KANSL1: variants seen among roughly 807,000 people sequenced by gnomAD.
KANSL1 encodes KAT8 regulatory NSL complex subunit 1, also known as MLL1/MLL complex subunit KANSL1.
KANSL1 carries 22 observed loss-of-function variants against 103.6 expected under a neutral mutation model. That is an observed-to-expected ratio of 0.21 (90% CI 0.15 to 0.30). The LOEUF (loss-of-function observed/expected upper bound fraction) is 0.30, where lower values mean the gene tolerates loss of function less well. Among genes scored for constraint, KANSL1 ranks in the 10% least tolerant of loss-of-function variants. KANSL1 has a pLI of 1.00. For synonymous variants in KANSL1, 600 were observed against 527.6 expected (o/e 1.14, Z -1.88); for missense variants, 1,337 against 1,399.8 (o/e 0.96, Z 0.72).
At chr17:46,031,907 T>C (rs2077019353) in intron 14 of KANSL1, 140 bp downstream of exon 14, 3 of 1,241,616 alleles carry the variant, frequency 2.4e-6, no homozygotes, top group Non-Finnish European at 3.4e-6. Flanking sequence ...CCACTGAACG[T>C]TGAGGAGATC....
intron 2 of KANSL1, among the ~76,000 whole-genome samples, chr17:46,133,246 C>G (rs1270297062): frequency 6.6e-6 from 1 of 152,182 alleles, no homozygotes; most frequent in African/African-American, 2.4e-5. Flanking sequence ...AAACCAGGAC[C>G]ACTGAGTGTT....
intron 2 of KANSL1, among the ~76,000 whole-genome samples, chr17:46,110,383 C>T (rs562287893): frequency 3.3e-5 from 5 of 152,296 alleles, no homozygotes; most frequent in East Asian, 3.9e-4. Context: ...TATTAATTCA[C>T]GAAATCCTCA....
At chr17:46,072,665 G>T (rs570830146) in intron 4 of KANSL1, among the ~76,000 whole-genome samples, 2 of 152,240 alleles carry the variant, frequency 1.3e-5, no homozygotes, top group East Asian at 3.9e-4. Flanking sequence ...TAAACAAGAA[G>T]TGGAATGTTC....
intron 6 of KANSL1, among the ~76,000 whole-genome samples, chr17:46,057,622 C>G (rs1310738682): frequency 6.6e-6 from 1 of 151,960 alleles, no homozygotes; most frequent in Admixed American, 6.6e-5. Flanking sequence ...TCTCACGAAA[C>G]TAAAACTGGA....
intron 2 of KANSL1, among the ~76,000 whole-genome samples, chr17:46,160,663 A>G (rs1425597251): frequency 6.6e-6 from 1 of 152,218 alleles, no homozygotes; most frequent in Non-Finnish European, 1.5e-5. Context: ...AGGCTTAAGG[A>G]TGTATCTGGT....
intron 4 of KANSL1, among the ~76,000 whole-genome samples, chr17:46,075,446 T>TGAACCCAAGTGAGGCACCTGGGTTCAA (rs377414315): frequency 0.14 from 21,694 of 152,006 alleles, 2,101 homozygotes; most frequent in Non-Finnish European, 0.22. Flanking sequence ...AAGTGATTCT[T>TGAACCCAAGTGAGGCACCTGGGTTCAA]GTGCCTCAGC....
chr17:46,162,423 T>C (rs1016555590), intron 2 of KANSL1, among the ~76,000 whole-genome samples: 1 of 152,202 alleles, frequency 6.6e-6, no homozygotes, highest in African/African-American at 2.4e-5. Context: ...CAAAGGACAC[T>C]CCAGGTATAC....
At chr17:46,203,817 G>A (rs1243222993) in intron 1 of KANSL1, among the ~76,000 whole-genome samples, 1 of 152,214 alleles carries the variant, frequency 6.6e-6, no homozygotes, top group Non-Finnish European at 1.5e-5. Context: ...AACCAAGCAG[G>A]CAGTAAGGAT....
chr17:46,125,918 T>C (rs1288607260), intron 2 of KANSL1, among the ~76,000 whole-genome samples: 1 of 152,222 alleles, frequency 6.6e-6, no homozygotes, highest in Non-Finnish European at 1.5e-5. Flanking sequence ...GTACTTGACA[T>C]ATATCATTTT....
chr17:46,133,762 T>C (rs2043985690), intron 2 of KANSL1, among the ~76,000 whole-genome samples: 1 of 152,010 alleles, frequency 6.6e-6, no homozygotes, highest in Admixed American at 6.5e-5. Flanking sequence ...CATGAAGGAG[T>C]TTTTTAACCA....
intron 1 of KANSL1, among the ~76,000 whole-genome samples, chr17:46,221,023 A>C: frequency 4.8e-5 from 7 of 147,210 alleles, no homozygotes; most frequent in African/African-American, 7.6e-5. Flanking sequence ...GCATACATAC[A>C]CCAATGCAAA....
intron 7 of KANSL1, among the ~76,000 whole-genome samples, chr17:46,048,436 G>A (rs1198773536): frequency 6.6e-6 from 1 of 151,998 alleles, no homozygotes; most frequent in Non-Finnish European, 1.5e-5. Flanking sequence ...CAGGCGTGGT[G>A]GCATACGACT....
At chr17:46,136,092 C>T (rs1209958295) in intron 2 of KANSL1, among the ~76,000 whole-genome samples, 1 of 152,114 alleles carries the variant, frequency 6.6e-6, no homozygotes, top group Admixed American at 6.5e-5. Context: ...CTAGGCTGAA[C>T]AGCTGTTAAC....
chr17:46,141,057 T>C (rs1027010431), intron 2 of KANSL1, among the ~76,000 whole-genome samples: 19 of 151,982 alleles, frequency 1.3e-4, no homozygotes, highest in Non-Finnish European at 2.5e-4. Context: ...AGAACAGTGA[T>C]TGATCCTGTT....
At chr17:46,078,201 G>C (rs888955516) in intron 4 of KANSL1, among the ~76,000 whole-genome samples, 1 of 152,090 alleles carries the variant, frequency 6.6e-6, no homozygotes, top group Non-Finnish European at 1.5e-5. Flanking sequence ...GAATGCCTTC[G>C]TCCTGGGAAA....
At chr17:46,212,425 T>C (rs1324851423) in intron 1 of KANSL1, among the ~76,000 whole-genome samples, 1 of 152,206 alleles carries the variant, frequency 6.6e-6, no homozygotes, top group Non-Finnish European at 1.5e-5. Context: ...TTCACCATGT[T>C]GGCCAGGATG....
At chr17:46,110,821 G>A (rs1278854091) in intron 2 of KANSL1, among the ~76,000 whole-genome samples, 1 of 152,140 alleles carries the variant, frequency 6.6e-6, no homozygotes, top group Non-Finnish European at 1.5e-5. Context: ...GGGAAAGCAG[G>A]TCAAGCATGG....
intron 2 of KANSL1, among the ~76,000 whole-genome samples, chr17:46,130,756 A>T (rs2043826712): frequency 1.3e-5 from 2 of 152,214 alleles, no homozygotes; most frequent in Admixed American, 6.5e-5. Flanking sequence ...AAGGAAATCT[A>T]GACATAGAAG....
In KANSL1 at chr17:46,062,506, G is replaced by C. The variant is rs370516980; in HGVS notation, c.1848+4031C>G. 4.2e-4 allele frequency among the ~76,000 whole-genome samples: 64 copies of C among 151,204 alleles called. 1 individual carries two copies. In the South Asian group the frequency reaches 0.013, roughly 30 times the overall value. On this transcript the variant is annotated intron_variant, in intron 6 of 14. Transcript: ENST00000432791. ...CTCGAGTAGCTGGGATTACAGGCACGTGCCACCACGCCCAGCTAATTTTTG... is the reference window on the plus strand; with the variant it reads ...CTCGAGTAGCTGGGATTACAGGCACCTGCCACCACGCCCAGCTAATTTTTG...
Sources: allele counts gnomAD v4.1 joint callset (sites outside exome capture counted in the v4.1 genomes callset), GRCh38; gene constraint gnomAD v4.1.1; transcripts MANE v1.5; gene names NCBI Gene and HGNC (gene_info 2026-07-23, HGNC 2026-07-21).